Variants in ICA1 observed in about 807,000 individuals in gnomAD.
ICA1 encodes the protein islet cell autoantigen 1.
Under a neutral mutation model 71.0 loss-of-function variants are expected in ICA1, and 40 were observed. That is an observed-to-expected ratio of 0.56 (90% confidence interval 0.44 to 0.73). The LOEUF is 0.73. Among genes scored for constraint, ICA1 ranks in the 30% least tolerant of loss-of-function variants. ICA1 has a pLI of 0.00. For missense variants in ICA1, 578 were observed against 576.5 expected, an observed-to-expected ratio of 1.00 and a Z score of -0.03; for synonymous variants, 207 against 209.5, an observed-to-expected ratio of 0.99 and a Z score of 0.10.
chr7:8,136,893 A>G (rs937285182), intron 12 of ICA1, among the ~76,000 whole-genome samples: 10 of 152,212 alleles, frequency 6.6e-5, no homozygotes, highest in African/African-American at 2.4e-4. Context: ...TCATTCCAAC[A>G]TATCTTGGCA....
chr7:8,141,868 A>G, intron 9 of ICA1, 51 bp from the exon 10 acceptor site: 1 of 1,400,156 alleles, frequency 7.1e-7, no homozygotes, highest in Non-Finnish European at 1.0e-6. Flanking sequence ...TGTTATATTT[A>G]TGATACAGCC....
chr7:8,250,119 G>C lies in ICA1; in HGVS notation c.-80+11975C>G, dbSNP rs1354520425. ...TTTGTCAGAGGTTTTAGCCACTAAG[G>C]TAAAAAAATAATTGGATGTCTGTGC... On this transcript the variant is annotated intron_variant, in intron 1 of 13. Coordinates refer to ENST00000402384, the MANE Select transcript of ICA1 (RefSeq NM_001136020.3). Among the ~76,000 whole-genome samples, 3 of 152,066 alleles carry C rather than the reference G, an allele frequency of 2.0e-5. No individual in the cohort carries two copies. The East Asian group carries it at 5.8e-4, about 29-fold the overall frequency.
rs1323387355 is a variant in ICA1, at chr7:8,224,985, T to C, written c.257-3587A>G. On this transcript the variant is annotated intron_variant, in intron 4 of 13. Coordinates refer to ENST00000402384, the MANE Select transcript of ICA1 (RefSeq NM_001136020.3). Reference sequence around the variant, plus strand: ...TGACATCAGTGTTCCTCATCACTCATGATGTCAAGCTCAACCACTTGGTTA... The same window carrying C: ...TGACATCAGTGTTCCTCATCACTCACGATGTCAAGCTCAACCACTTGGTTA... Among the ~76,000 whole-genome samples, 4 of 152,354 alleles carry C rather than the reference T, an allele frequency of 2.6e-5. No individual in the cohort carries two copies. The East Asian group carries it at 7.7e-4, about 29-fold the overall frequency.
chr7:8,121,682 C>T (rs567169935), intron 13 of ICA1, among the ~76,000 whole-genome samples: 2 of 152,162 alleles, frequency 1.3e-5, no homozygotes, highest in Admixed American at 6.5e-5. Flanking sequence ...TATGATCTAG[C>T]ATTCGATAGC....
intron 1 of ICA1, among the ~76,000 whole-genome samples, chr7:8,258,143 T>G (rs550201920): frequency 6.6e-6 from 1 of 152,302 alleles, no homozygotes; most frequent in African/African-American, 2.4e-5. Context: ...TGTCTCTATC[T>G]CCTTCTTGCT....
Position 8,165,369 on chromosome 7 carries a change from GT to G in ICA1, c.580-6718del, listed in dbSNP as rs1805527217. The stretch of plus-strand genomic sequence containing the variant: ...CACACATGTGTGTGGGCAGCCAACA[GT>G]AGACTTCAGGATCTATTTTTGGTCT... On this transcript the variant is annotated intron_variant, in intron 6 of 13. Coordinates refer to ENST00000402384, the MANE Select transcript of ICA1 (RefSeq NM_001136020.3). Among the ~76,000 whole-genome samples, 15 of 152,346 alleles carry G rather than the reference GT, an allele frequency of 9.8e-5. No individual in the cohort carries two copies. The South Asian group carries it at 3.1e-3, about 32-fold the overall frequency.
At chr7:8,203,255 C>T (rs973505988) in intron 6 of ICA1, among the ~76,000 whole-genome samples, 1 of 152,102 alleles carries the variant, frequency 6.6e-6, no homozygotes, top group Admixed American at 6.5e-5. Context: ...CTAAAAAGCA[C>T]ATTAAGCCTT....
intron 6 of ICA1, among the ~76,000 whole-genome samples, chr7:8,197,918 T>C (rs148148599): frequency 2.5e-3 from 383 of 152,272 alleles, no homozygotes; most frequent in African/African-American, 4.9e-3. Context: ...AGTGATAGGA[T>C]GGAATGGATG....
chr7:8,251,704 C>G (rs1012547717), intron 1 of ICA1, among the ~76,000 whole-genome samples: 4 of 151,840 alleles, frequency 2.6e-5, no homozygotes, highest in African/African-American at 9.7e-5. Flanking sequence ...TTCATCTATT[C>G]CAAGAGATGT....
chr7:8,230,882 C>T (rs1800061705), intron 3 of ICA1, among the ~76,000 whole-genome samples: 1 of 152,152 alleles, frequency 6.6e-6, no homozygotes, highest in Admixed American at 6.5e-5. Flanking sequence ...TGCACTAACA[C>T]ATACCCTTAT....
At chr7:8,232,425 G>C (rs997124285) in intron 3 of ICA1, among the ~76,000 whole-genome samples, 165 bp downstream of exon 3, 1 of 152,172 alleles carries the variant, frequency 6.6e-6, no homozygotes, top group Non-Finnish European at 1.5e-5. Context: ...GGTTATGTGA[G>C]AATTTGCAGG....
At chr7:8,183,749 A>G (rs936985619) in intron 6 of ICA1, among the ~76,000 whole-genome samples, 5 of 152,198 alleles carry the variant, frequency 3.3e-5, no homozygotes, top group Admixed American at 6.5e-5. Context: ...TAGGAGTTGC[A>G]TGCAAGGCCC....
rs1030951118 is a variant in ICA1, at chr7:8,140,211, G to A, written c.956-1164C>T. ...TTGACTATGACAACATTAGTGATTC[G>A]TGCCGTGGGTACACTGAGGCTGGAG... On this transcript the variant is annotated intron_variant, in intron 10 of 13. Transcript: ENST00000402384. 6.6e-5 allele frequency among the ~76,000 whole-genome samples: 10 copies of A among 152,134 alleles called. No individual in the cohort carries two copies. The South Asian group carries it at 8.3e-4, about 13-fold the overall frequency.
intron 1 of ICA1, among the ~76,000 whole-genome samples, chr7:8,240,226 T>C (rs1322088405): frequency 1.3e-5 from 2 of 152,128 alleles, no homozygotes; most frequent in Admixed American, 6.5e-5. Context: ...TTTGCTGTTC[T>C]GCAATATTTG....
At chr7:8,241,575 T>C (rs1478724017) in intron 1 of ICA1, among the ~76,000 whole-genome samples, 2 of 151,528 alleles carry the variant, frequency 1.3e-5, no homozygotes, top group Non-Finnish European at 2.9e-5. Flanking sequence ...ATATTAACCT[T>C]ATTGTAAATG....
At chr7:8,232,818 G>A (rs928637160) in intron 2 of ICA1, 63 bp from the exon 3 acceptor site, 1 of 1,354,716 alleles carries the variant, frequency 7.4e-7, no homozygotes, top group Non-Finnish European at 9.8e-7. Flanking sequence ...ATTTTAGTGT[G>A]AAATGATTTC....
At chr7:8,171,466 C>G (rs1249586044) in intron 6 of ICA1, among the ~76,000 whole-genome samples, 1 of 151,848 alleles carries the variant, frequency 6.6e-6, no homozygotes, top group African/African-American at 2.4e-5. Flanking sequence ...AGTGCCTGTA[C>G]TGTCTATAGT....
At chr7:8,124,778 TAACTC>T (rs1391747571) in intron 13 of ICA1, among the ~76,000 whole-genome samples, 1 of 141,396 alleles carries the variant, frequency 7.1e-6, no homozygotes, top group Non-Finnish European at 1.5e-5. Context: ...AGTTACAAGT[TAACTC>T]AACATTTTTT....
intron 6 of ICA1, among the ~76,000 whole-genome samples, chr7:8,201,101 C>T (rs1789497951): frequency 6.6e-6 from 1 of 152,138 alleles, no homozygotes; most frequent in Admixed American, 6.5e-5. Flanking sequence ...AATATATCAA[C>T]GTGGTTTTCT....
Sources: gnomAD v4.1 joint callset for allele counts (sites outside exome capture counted in the v4.1 genomes callset) on GRCh38, gnomAD v4.1.1 for gene constraint, MANE v1.5 for transcripts, NCBI Gene and HGNC (gene_info 2026-07-23, HGNC 2026-07-21) for gene names.